CCDC85A: variants seen among roughly 807,000 people sequenced by gnomAD.
The protein encoded by CCDC85A is coiled-coil domain containing 85A, also known as coiled-coil domain-containing protein 85A.
In CCDC85A, 38 loss-of-function variants were observed where a neutral mutation model predicts 50.2. That is an observed-to-expected ratio of 0.76 (90% CI 0.58 to 0.99). CCDC85A has a LOEUF of 0.99. Ranked by LOEUF, CCDC85A falls within the 50% of genes least tolerant of loss-of-function variation. CCDC85A has a pLI of 0.00. For synonymous variants in CCDC85A, 366 were observed against 301.4 expected (o/e 1.21, Z -2.22); for missense variants, 820 against 742.0 (o/e 1.11, Z -1.22).
Position 56,199,816 on chromosome 2 carries a change from T to G in CCDC85A, c.1240+6376T>G, listed in dbSNP as rs1199969506. 2.6e-5 allele frequency among the ~76,000 whole-genome samples: 4 copies of G among 152,258 alleles called. No individual in the cohort carries two copies. In the South Asian group the frequency reaches 8.3e-4, roughly 31 times the overall value. On this transcript the variant is annotated intron_variant, in intron 2 of 5. Transcript: ENST00000407595. ...TAAGAGTAAACTGCATGAGCTTCAGTGCATAGTCCATATGCCATAAGTATT... is the reference window on the plus strand; with the variant it reads ...TAAGAGTAAACTGCATGAGCTTCAGGGCATAGTCCATATGCCATAAGTATT...
chr2:56,328,450 A>G (rs1475361614), intron 2 of CCDC85A, among the ~76,000 whole-genome samples: 1 of 152,134 alleles, frequency 6.6e-6, no homozygotes, highest in East Asian at 1.9e-4. Context: ...TTCTGTCGTC[A>G]GACCCTTCTC....
chr2:56,372,300 CAG>C, intron 3 of CCDC85A, 42 bp from the exon 4 acceptor site: 1 of 1,456,760 alleles, frequency 6.9e-7, no homozygotes, highest in Non-Finnish European at 9.1e-7. Context: ...ACTTGGGAAA[CAG>C]TATTTTTCTG....
chr2:56,191,558 T>C (rs1258316171), intron 1 of CCDC85A, among the ~76,000 whole-genome samples: 1 of 152,156 alleles, frequency 6.6e-6, no homozygotes, highest in African/African-American at 2.4e-5. Context: ...ATTTTGGAAG[T>C]AGAGCTCCAA....
intron 2 of CCDC85A, among the ~76,000 whole-genome samples, chr2:56,298,367 A>G (rs1416186604): frequency 6.6e-6 from 1 of 152,170 alleles, no homozygotes; most frequent in Non-Finnish European, 1.5e-5. Context: ...ATTGGAAAGG[A>G]ATTTAAATGA....
At chr2:56,323,770 A>T (rs1315240360) in intron 2 of CCDC85A, among the ~76,000 whole-genome samples, 1 of 152,018 alleles carries the variant, frequency 6.6e-6, no homozygotes, top group Non-Finnish European at 1.5e-5. Flanking sequence ...CAAGCAATTC[A>T]TTTTTCACCA....
chr2:56,365,923 C>G (rs898288968), intron 3 of CCDC85A, among the ~76,000 whole-genome samples: 1 of 152,234 alleles, frequency 6.6e-6, no homozygotes, highest in East Asian at 1.9e-4. Flanking sequence ...TCCCAATCCC[C>G]TCAACTCCTG....
intron 2 of CCDC85A, among the ~76,000 whole-genome samples, chr2:56,241,030 A>G (rs1415835453): frequency 6.6e-6 from 1 of 152,062 alleles, no homozygotes; most frequent in African/African-American, 2.4e-5. Context: ...TATTGCCAGC[A>G]TTTGCTATTG....
chr2:56,238,284 G>T (rs1163849835), intron 2 of CCDC85A, among the ~76,000 whole-genome samples: 1 of 152,010 alleles, frequency 6.6e-6, no homozygotes. Context: ...AGGCATGGTG[G>T]TGGGCGCCTG....
intron 1 of CCDC85A, among the ~76,000 whole-genome samples, chr2:56,191,273 G>GTT (rs140479927): frequency 1.3e-5 from 2 of 152,110 alleles, no homozygotes; most frequent in African/African-American, 4.8e-5. Flanking sequence ...CTCTATACGT[G>GTT]TTTTTTGCCA....
intron 2 of CCDC85A, among the ~76,000 whole-genome samples, chr2:56,220,906 G>A (rs1668297161): frequency 6.6e-6 from 1 of 151,978 alleles, no homozygotes; most frequent in East Asian, 1.9e-4. Context: ...AGGATGTAGG[G>A]TCTCTTGATT....
chr2:56,230,214 T>TA (rs1452576075), intron 2 of CCDC85A, among the ~76,000 whole-genome samples: 5 of 152,194 alleles, frequency 3.3e-5, no homozygotes, highest in Non-Finnish European at 7.3e-5. Context: ...CACAATTACT[T>TA]ACACTAATTG....
At chr2:56,355,254 A>C (rs1675164626) in intron 3 of CCDC85A, among the ~76,000 whole-genome samples, 1 of 152,184 alleles carries the variant, frequency 6.6e-6, no homozygotes, top group Non-Finnish European at 1.5e-5. Flanking sequence ...CTCCAAACGC[A>C]TAGGAAAAGT....
chr2:56,186,424 C>A (rs191129582), intron 1 of CCDC85A, among the ~76,000 whole-genome samples: 40 of 152,188 alleles, frequency 2.6e-4, no homozygotes, highest in African/African-American at 9.2e-4. Context: ...GGTGTTATGG[C>A]AATAAGTTAT....
At chr2:56,358,951 A>ATTTTTTGTAT (rs151156357) in intron 3 of CCDC85A, among the ~76,000 whole-genome samples, 5 of 146,428 alleles carry the variant, frequency 3.4e-5, no homozygotes, top group Non-Finnish European at 3.0e-5. Context: ...TGCCCGGCTA[A>ATTTTTTGTAT]TTTTTTTGTA....
intron 2 of CCDC85A, among the ~76,000 whole-genome samples, chr2:56,288,609 C>T (rs1051238559): frequency 6.6e-6 from 1 of 152,044 alleles, no homozygotes; most frequent in African/African-American, 2.4e-5. Flanking sequence ...TTTCCAGAAC[C>T]GAGTTTAGTG....
chr2:56,335,997 C>A lies in CCDC85A; in HGVS notation c.1241-6882C>A, dbSNP rs186848225. On this transcript the variant is annotated intron_variant, in intron 2 of 5. Transcript: ENST00000407595. ...AAGGTCCCACCTCTTAATACTGTTA[C>A]AATGACAATTAAATTTCAGCATGAT... is the stretch of plus-strand genomic sequence containing the variant. Among the ~76,000 whole-genome samples the A allele has an allele frequency of 1.5e-3, 225 of 152,234 alleles. 1 individual carries two copies. Among genetic ancestry groups the A allele is most frequent in the African/African-American group, 5.1e-3 (212 of 41,550 alleles).
At chr2:56,349,178 T>C (rs1215690714) in intron 3 of CCDC85A, among the ~76,000 whole-genome samples, 2 of 152,044 alleles carry the variant, frequency 1.3e-5, no homozygotes, top group African/African-American at 4.8e-5. Context: ...TTGGAAAAAT[T>C]AGTTAAATCC....
At chr2:56,331,147 G>A (rs949248515) in intron 2 of CCDC85A, among the ~76,000 whole-genome samples, 1 of 151,992 alleles carries the variant, frequency 6.6e-6, no homozygotes, top group African/African-American at 2.4e-5. Flanking sequence ...AATACTACAT[G>A]TTCCCACTTA....
intron 2 of CCDC85A, among the ~76,000 whole-genome samples, chr2:56,338,080 C>T (rs897761915): frequency 6.6e-6 from 1 of 152,072 alleles, no homozygotes; most frequent in African/African-American, 2.4e-5. Context: ...ACCTAGCCAG[C>T]TCCTTTTTTA....
Sources: gnomAD v4.1 joint callset for allele counts (sites outside exome capture counted in the v4.1 genomes callset) on GRCh38, gnomAD v4.1.1 for gene constraint, MANE v1.5 for transcripts, NCBI Gene and HGNC (gene_info 2026-07-23, HGNC 2026-07-21) for gene names.